The following VPS54 variants were observed in gnomAD, a reference collection of about 807,000 sequenced individuals.
VPS54 encodes the protein vacuolar protein sorting-associated protein 54.
VPS54 carries 45 observed loss-of-function variants against 121.5 expected under a neutral mutation model. The observed-to-expected ratio is 0.37, with a 90% CI of 0.29 to 0.47. The LOEUF is 0.47. Ranked by LOEUF, VPS54 falls within the 20% of genes least tolerant of loss-of-function variation. VPS54 has a pLI of 0.99. For missense variants in VPS54, 1,090 were observed against 1,131.4 expected, an observed-to-expected ratio of 0.96 and a Z score of 0.52; for synonymous variants, 371 against 385.8, an observed-to-expected ratio of 0.96 and a Z score of 0.45.
At chr2:63,961,960 T>C in intron 7 of VPS54, 98 bp downstream of exon 7, 1 of 1,261,680 alleles carries the variant, frequency 7.9e-7, no homozygotes, top group South Asian at 2.2e-5. Flanking sequence ...AAATATCCAT[T>C]TAACTTTGAA....
chr2:63,917,135 G>C (rs1015953072), intron 15 of VPS54, among the ~76,000 whole-genome samples, 172 bp from the exon 16 acceptor site: 4 of 152,084 alleles, frequency 2.6e-5, no homozygotes, highest in African/African-American at 7.2e-5. Context: ...CTGGAAGTTG[G>C]AGAGATTTGG....
In VPS54 at chr2:63,933,955, G is replaced by C. The variant is rs763377130; in HGVS notation, c.1457C>G (p.Thr486Ser). The C allele has an allele frequency of 6.2e-6, 10 of 1,613,396 alleles. No homozygotes were observed. The East Asian group carries it at 2.0e-4, about 32-fold the overall frequency. ...VLSVLDKNQR[T>S]RELEEISQQK... ...TTGTGAAATCTCTTCCAATTCTCTA[G>C]TCCTTTGGTTTTTGTCAAGAACTGA... The change falls in exon 12 of 23, where the codon ACT (threonine) becomes AGT (serine). Residue 486 changes from threonine (T) to serine (S), a missense_variant. Thr to Ser is a moderately conservative substitution (Grantham distance 58). Coordinates refer to ENST00000272322, the MANE Select transcript of VPS54 (RefSeq NM_016516.3).
intron 3 of VPS54, among the ~76,000 whole-genome samples, chr2:63,974,288 C>A (rs78030021): frequency 0.15 from 23,461 of 152,142 alleles, 2,376 homozygotes; most frequent in Middle Eastern, 0.26. Flanking sequence ...TTTCTGGGTT[C>A]TCTGTTCCAC....
intron 20 of VPS54, among the ~76,000 whole-genome samples, chr2:63,911,658 T>G (rs1293746644): frequency 6.6e-6 from 1 of 152,200 alleles, no homozygotes; most frequent in Non-Finnish European, 1.5e-5. Flanking sequence ...CTGCTGTTCC[T>G]GCCATTTCGG....
intron 22 of VPS54, 23 bp from the exon 23 acceptor site, chr2:63,893,558 T>A (rs1405664282): frequency 6.3e-7 from 1 of 1,587,916 alleles, no homozygotes; most frequent in East Asian, 2.2e-5. Context: ...GAGAAAATTA[T>A]TTTTTAAATC....
At chr2:63,997,386 T>C (rs1677646606) in intron 1 of VPS54, among the ~76,000 whole-genome samples, 1 of 152,208 alleles carries the variant, frequency 6.6e-6, no homozygotes, top group African/African-American at 2.4e-5. Context: ...TACTTGTTAT[T>C]GGTCTGTTCA....
At chr2:63,972,591 T>C (rs1318750268) in intron 3 of VPS54, among the ~76,000 whole-genome samples, 1 of 152,054 alleles carries the variant, frequency 6.6e-6, no homozygotes, top group Non-Finnish European at 1.5e-5. Flanking sequence ...ATATCTAAGA[T>C]AGAAACAAAT....
chr2:63,894,628 C>T (rs190592649), intron 22 of VPS54, among the ~76,000 whole-genome samples: 6 of 150,886 alleles, frequency 4.0e-5, no homozygotes, highest in African/African-American at 7.3e-5. Context: ...GCTTGAGCCA[C>T]GGAGGTTGAG....
At chr2:63,967,602 C>A (rs1420258428) in intron 5 of VPS54, among the ~76,000 whole-genome samples, 2 of 151,178 alleles carry the variant, frequency 1.3e-5, no homozygotes, top group Non-Finnish European at 2.9e-5. Context: ...GCCTGTAATC[C>A]CAGCTACTCA....
chr2:64,015,495 A>AG (rs1332943235), intron 1 of VPS54, among the ~76,000 whole-genome samples: 1 of 152,120 alleles, frequency 6.6e-6, no homozygotes, highest in African/African-American at 2.4e-5. Context: ...TGCAGCCCCT[A>AG]GGTTTACAAT....
chr2:63,904,661 G>C (rs1364182137), intron 20 of VPS54, among the ~76,000 whole-genome samples: 1 of 151,988 alleles, frequency 6.6e-6, no homozygotes, highest in Non-Finnish European at 1.5e-5. Flanking sequence ...AAATCAGTAA[G>C]GACAGAAAAG....
intron 12 of VPS54, among the ~76,000 whole-genome samples, chr2:63,923,132 G>A (rs1264686757): frequency 6.6e-6 from 1 of 151,864 alleles, no homozygotes; most frequent in East Asian, 1.9e-4. Context: ...GCTAACACAT[G>A]GTGAAACCCC....
chr2:64,000,937 G>A (rs554905894), intron 1 of VPS54, among the ~76,000 whole-genome samples: 3 of 152,350 alleles, frequency 2.0e-5, no homozygotes, highest in Admixed American at 6.5e-5. Context: ...GGCAAAGCCA[G>A]CCCAGCTTCT....
chr2:63,970,313 A>ATATATAGATATATAT (rs1312969372), intron 4 of VPS54, among the ~76,000 whole-genome samples: 61 of 147,988 alleles, frequency 4.1e-4, no homozygotes, highest in South Asian at 6.3e-4. Context: ...AGATATAGAT[A>ATATATAGATATATAT]AAACCCAGGC....
intron 1 of VPS54, among the ~76,000 whole-genome samples, chr2:64,011,577 A>G (rs1336374103): frequency 6.6e-6 from 1 of 152,178 alleles, no homozygotes; most frequent in African/African-American, 2.4e-5. Flanking sequence ...AAGAAAAAAA[A>G]AATTGATTAA....
Position 63,933,890 on chromosome 2 carries a change from C to G in VPS54, c.1522G>C (p.Val508Leu). ...AAKDNSLDTEVAYLIHEGMFI... is the reference protein window; with the variant it reads ...AAKDNSLDTELAYLIHEGMFI... ...ATGCCTTCATGGATTAAATAAGCCA[C>G]CTCTGTGTCCAGTGAATTATCTTTT... The change falls in exon 12 of 23, where the codon GTG becomes CTG. Residue 508 changes from valine (V) to leucine (L), a missense_variant. By Grantham distance (32) the Val-to-Leu change is conservative (BLOSUM62 1). Coordinates refer to ENST00000272322, the MANE Select transcript of VPS54 (RefSeq NM_016516.3). 5 of 1,613,766 alleles carry G rather than the reference C, an allele frequency of 3.1e-6. No homozygotes were observed. The highest frequency in any genetic ancestry group is 4.2e-6 in the Non-Finnish European group (5 of 1,179,818).
At chr2:63,981,970 G>T in intron 2 of VPS54, 83 bp from the exon 3 acceptor site, 1 of 1,423,860 alleles carries the variant, frequency 7.0e-7, no homozygotes. Flanking sequence ...AACTAAAAAT[G>T]CACAGATTCC....
chr2:64,015,830 A>G (rs1176765576), intron 1 of VPS54, among the ~76,000 whole-genome samples: 3 of 152,216 alleles, frequency 2.0e-5, no homozygotes, highest in Non-Finnish European at 4.4e-5. Flanking sequence ...TCCTTAGGTT[A>G]AAGCATTTTT....
chr2:63,907,782 C>G (rs1460952680), intron 20 of VPS54, among the ~76,000 whole-genome samples: 1 of 152,068 alleles, frequency 6.6e-6, no homozygotes, highest in Admixed American at 6.6e-5. Flanking sequence ...TGAGCAGACA[C>G]TTTACCAAAG....
Sources: allele counts gnomAD v4.1 joint callset (sites outside exome capture counted in the v4.1 genomes callset), GRCh38; gene constraint gnomAD v4.1.1; transcripts MANE v1.5; gene names NCBI Gene and HGNC (gene_info 2026-07-23, HGNC 2026-07-21).